NXPE4: variants seen among roughly 807,000 people sequenced by gnomAD.
The protein encoded by NXPE4 is NXPE family member 4.
In NXPE4, 42 loss-of-function variants were observed where a neutral mutation model predicts 33.3. That is an observed-to-expected ratio of 1.26 (90% CI 0.98 to 1.63). The LOEUF (loss-of-function observed/expected upper bound fraction) is 1.63, where lower values mean the gene tolerates loss of function less well. Ranked by LOEUF, NXPE4 falls within the 40% of genes most tolerant of loss-of-function variation. The pLI, the probability that NXPE4 is intolerant of heterozygous loss-of-function variation, is 0.00. For missense variants in NXPE4, 709 were observed against 647.6 expected (o/e 1.09, Z -1.03); for synonymous variants, 253 against 234.9 (o/e 1.08, Z -0.71).
the NXPE4 span, among the ~76,000 whole-genome samples, chr11:114,603,823 C>G: frequency 1.3e-5 from 2 of 151,712 alleles, no homozygotes; most frequent in African/African-American, 4.8e-5. Flanking sequence ...TAGGTAACTC[C>G]TATTAACTGG....
chr11:114,595,963 GTGTT>G (rs1353667990), upstream of NXPE4, among the ~76,000 whole-genome samples: 1 of 152,100 alleles, frequency 6.6e-6, no homozygotes, highest in Non-Finnish European at 1.5e-5. Context: ...GAGAAAAAGA[GTGTT>G]TGATAAATAA....
Position 114,581,766 on chromosome 11 carries a change from A to G in NXPE4, c.851T>C (p.Ile284Thr), listed in dbSNP as rs556201239. Residue 284 changes from isoleucine (I) to threonine (T), a missense_variant, in exon 4 of 6, where the codon ATT becomes ACT. Coordinates refer to ENST00000375478, the MANE Select transcript of NXPE4 (RefSeq NM_001077639.2). ...ACTAATTGTATTGAATTTTTCCATA[A>G]TCTCTACACCCACATTTGACCTTAA... ...LFERSNVGVE[I>T]MEKFNTISVS... is the part of the protein sequence containing the mutation. The G allele has an allele frequency of 4.8e-5, 78 of 1,611,084 alleles. No individual in the cohort carries two copies. In the East Asian group the frequency reaches 4.9e-4, roughly 10 times the overall value.
At chr11:114,610,780 C>T in the NXPE4 span, among the ~76,000 whole-genome samples, 1 of 151,940 alleles carries the variant, frequency 6.6e-6, no homozygotes, top group Non-Finnish European at 1.5e-5. Flanking sequence ...ACCACTGTTA[C>T]CCAGTGGATA....
At chr11:114,579,288 A>T (rs1949083171) in intron 5 of NXPE4, among the ~76,000 whole-genome samples, 1 of 152,168 alleles carries the variant, frequency 6.6e-6, no homozygotes, top group Admixed American at 6.5e-5. Flanking sequence ...GTCATGAGAG[A>T]TCCACCTCCG....
the NXPE4 span, among the ~76,000 whole-genome samples, chr11:114,642,428 C>T: frequency 6.6e-6 from 1 of 151,996 alleles, no homozygotes; most frequent in African/African-American, 2.4e-5. Flanking sequence ...CCCCACTCCC[C>T]CCAGCCCCCG....
upstream of NXPE4, among the ~76,000 whole-genome samples, chr11:114,599,672 T>C (rs113500018): frequency 2.6e-5 from 4 of 152,250 alleles, no homozygotes; most frequent in African/African-American, 9.6e-5. Context: ...TGGGAGCAGG[T>C]GTCTTACATG....
chr11:114,606,584 T>C, the NXPE4 span, among the ~76,000 whole-genome samples: 2 of 151,950 alleles, frequency 1.3e-5, no homozygotes, highest in African/African-American at 4.8e-5. Flanking sequence ...TTATTATAAG[T>C]ATTTCCTTGT....
chr11:114,652,314 C>A, the NXPE4 span, among the ~76,000 whole-genome samples: 1 of 152,266 alleles, frequency 6.6e-6, no homozygotes, highest in East Asian at 1.9e-4. Flanking sequence ...TCCTTCCTAC[C>A]CCTTTGGAAA....
intron 4 of NXPE4, among the ~76,000 whole-genome samples, chr11:114,580,956 T>G (rs892380126): frequency 6.6e-5 from 10 of 152,148 alleles, no homozygotes; most frequent in African/African-American, 1.9e-4. Context: ...CGTGGCAGGT[T>G]TGATTATTAA....
intron 5 of NXPE4, among the ~76,000 whole-genome samples, chr11:114,573,885 C>T (rs1009376949): frequency 3.9e-5 from 6 of 152,186 alleles, no homozygotes; most frequent in Admixed American, 2.0e-4. Context: ...ACAGAACATT[C>T]TACCCAAAAA....
At chr11:114,662,755 C>G in the NXPE4 span, among the ~76,000 whole-genome samples, 5 of 152,140 alleles carry the variant, frequency 3.3e-5, no homozygotes, top group African/African-American at 9.7e-5. Flanking sequence ...GCTGCCGTTC[C>G]AGGCCCTAGC....
At chr11:114,614,626 G>GT in the NXPE4 span, among the ~76,000 whole-genome samples, 39 of 151,836 alleles carry the variant, frequency 2.6e-4, no homozygotes, top group African/African-American at 9.0e-4. Flanking sequence ...CTGTTACCTG[G>GT]TGGATTATAA....
At chr11:114,575,197 T>A (rs1397500493) in intron 5 of NXPE4, among the ~76,000 whole-genome samples, 1 of 151,966 alleles carries the variant, frequency 6.6e-6, no homozygotes, top group African/African-American at 2.4e-5. Context: ...TACCTTAAGG[T>A]AATAGAAGCC....
At chr11:114,636,039 G>A in the NXPE4 span, among the ~76,000 whole-genome samples, 14,001 of 151,868 alleles carry the variant, frequency 0.092, 827 homozygotes, top group Middle Eastern at 0.2. Context: ...CAGAAGGAAC[G>A]GTACCAGTTC....
At chr11:114,616,986 G>C in the NXPE4 span, among the ~76,000 whole-genome samples, 1 of 148,152 alleles carries the variant, frequency 6.7e-6, no homozygotes. Flanking sequence ...GTGTTTCCTT[G>C]TGGGTAACCA....
At chr11:114,631,755 C>G in the NXPE4 span, among the ~76,000 whole-genome samples, 2 of 151,576 alleles carry the variant, frequency 1.3e-5, no homozygotes, top group Non-Finnish European at 2.9e-5. Flanking sequence ...CACTGTCACC[C>G]GGTGGATAAT....
upstream of NXPE4, among the ~76,000 whole-genome samples, chr11:114,596,701 A>T (rs1022746937): frequency 6.6e-6 from 1 of 152,192 alleles, no homozygotes; most frequent in Admixed American, 6.5e-5. Flanking sequence ...TATAATAAGA[A>T]AAAAGTATTT....
chr11:114,612,832 T>C, the NXPE4 span, among the ~76,000 whole-genome samples: 1 of 151,948 alleles, frequency 6.6e-6, no homozygotes, highest in East Asian at 2.0e-4. Context: ...ACCCAGAGGA[T>C]AGTAAGTATT....
In NXPE4 at chr11:114,570,979, C is replaced by T. The variant is rs1948870596; in HGVS notation, c.1594G>A (p.Val532Ile). ...AATAATATATTAATCTGATTTCCGA[C>T]TACATGTTGAGGTGGGTGTACATTA... is the stretch of plus-strand genomic sequence containing the variant. Reference protein sequence around the residue: ...TNNVHPPQHVVGNQINILLNY... With the variant: ...TNNVHPPQHVIGNQINILLNY... The change falls in exon 6 of 6, where the codon GTC (valine) becomes ATC (isoleucine). Residue 532 changes from valine (V) to isoleucine (I), a missense_variant. Physicochemically the swap from Val to Ile is conservative, Grantham distance 29. Coordinates refer to ENST00000375478, the MANE Select transcript of NXPE4 (RefSeq NM_001077639.2). 6.2e-7 allele frequency: 1 copy of T among 1,609,704 alleles called. No individual in the cohort carries two copies. The highest frequency in any genetic ancestry group is 2.2e-5 in the East Asian group (1 of 44,792).
Sources: gnomAD v4.1 joint callset for allele counts (sites outside exome capture counted in the v4.1 genomes callset) on GRCh38, gnomAD v4.1.1 for gene constraint, MANE v1.5 for transcripts, NCBI Gene and HGNC (gene_info 2026-07-23, HGNC 2026-07-21) for gene names.